Variants in GTF3C1 observed in about 807,000 individuals in gnomAD.
The protein encoded by GTF3C1 is general transcription factor IIIC subunit 1.
Under a neutral mutation model 226.7 loss-of-function variants are expected in GTF3C1, and 57 were observed. The ratio of observed to expected loss-of-function variants is 0.25; its 90% CI spans 0.20 to 0.31. The LOEUF (loss-of-function observed/expected upper bound fraction) is 0.31, where lower values mean the gene tolerates loss of function less well. Ranked by LOEUF, GTF3C1 falls within the 10% of genes least tolerant of loss-of-function variation. The pLI, the probability that GTF3C1 is intolerant of heterozygous loss-of-function variation, is 1.00. For missense variants in GTF3C1, 2,217 were observed against 2,776.1 expected (o/e 0.80, Z 4.53); for synonymous variants, 1,090 against 1,084.8 (o/e 1.00, Z -0.09).
intron 8 of GTF3C1, among the ~76,000 whole-genome samples, chr16:27,508,316 CA>C (rs1159985089): frequency 6.6e-6 from 1 of 152,184 alleles, no homozygotes; most frequent in African/African-American, 2.4e-5. Context: ...TGGCACTTTT[CA>C]AAGCTGACAA....
chr16:27,536,598 G>A (rs1013944520), intron 4 of GTF3C1, among the ~76,000 whole-genome samples: 1 of 152,150 alleles, frequency 6.6e-6, no homozygotes, highest in African/African-American at 2.4e-5. Context: ...AAGAGTCTAC[G>A]CACATGTGTC....
chr16:27,546,525 T>A (rs2089166675), intron 1 of GTF3C1, among the ~76,000 whole-genome samples: 1 of 150,436 alleles, frequency 6.6e-6, no homozygotes, highest in South Asian at 2.1e-4. Context: ...TATATATAAT[T>A]TTTTTTCCCC....
chr16:27,512,032 G>A (rs550431822), intron 6 of GTF3C1, 131 bp from the exon 7 acceptor site: 30 of 937,818 alleles, frequency 3.2e-5, no homozygotes, highest in Admixed American at 7.8e-5. Context: ...ACATATCACC[G>A]TGTCTGGACT....
At chr16:27,514,415 T>C (rs904519570) in intron 6 of GTF3C1, among the ~76,000 whole-genome samples, 6 of 152,032 alleles carry the variant, frequency 3.9e-5, no homozygotes, top group Non-Finnish European at 8.8e-5. Flanking sequence ...GCAAGAACTA[T>C]CTGAAGGCTC....
chr16:27,536,795 C>T (rs72784380), intron 4 of GTF3C1, among the ~76,000 whole-genome samples: 1 of 152,316 alleles, frequency 6.6e-6, no homozygotes, highest in Non-Finnish European at 1.5e-5. Context: ...CTGCTCTTCC[C>T]AGGCCCTGCA....
At chr16:27,546,523 AT>A (rs1336570358) in intron 1 of GTF3C1, among the ~76,000 whole-genome samples, 4 of 146,750 alleles carry the variant, frequency 2.7e-5, no homozygotes, top group Non-Finnish European at 4.5e-5. Context: ...TATATATATA[AT>A]TTTTTTTCCC....
In GTF3C1 at chr16:27,493,370, G is replaced by A. The variant is rs2088262030; in HGVS notation, c.2779-74C>T. The A allele has an allele frequency of 1.4e-5, 11 of 801,100 alleles. 1 individual carries two copies. Among genetic ancestry groups the A allele is most frequent in the South Asian group, 8.2e-5 (6 of 73,612 alleles). The allele number at this position is 801,100 out of a possible 1,614,324, so 49.6% of individuals were successfully genotyped here. A position where few individuals can be genotyped will look rare whatever the true frequency, so the allele number is the denominator to read the frequency against. ...CTGCAAGAATCTTGAAAAAGTGCTC[G>A]CCACTATTTTCTGACCATAGTCTCC... On this transcript the variant is annotated intron_variant, in intron 16 of 36. Coordinates refer to ENST00000356183, the MANE Select transcript of GTF3C1 (RefSeq NM_001520.4).
chr16:27,527,449 C>G (rs562282862), intron 6 of GTF3C1, among the ~76,000 whole-genome samples: 2 of 152,238 alleles, frequency 1.3e-5, no homozygotes, highest in African/African-American at 4.8e-5. Flanking sequence ...TCCCAAAGTG[C>G]AGGGATTACA....
intron 6 of GTF3C1, among the ~76,000 whole-genome samples, chr16:27,516,548 CCT>C (rs1247273616): frequency 1.3e-5 from 2 of 152,238 alleles, no homozygotes; most frequent in Non-Finnish European, 2.9e-5. Flanking sequence ...GCAAATAAGC[CCT>C]GTTTTATTTA....
At chr16:27,508,739 G>T in intron 7 of GTF3C1, 84 bp from the exon 8 acceptor site, 1 of 936,306 alleles carries the variant, frequency 1.1e-6, no homozygotes, top group South Asian at 1.5e-5. Flanking sequence ...TTTTTCAGCA[G>T]ACATTTTGAT....
intron 7 of GTF3C1, 45 bp downstream of exon 7, chr16:27,511,704 A>T (rs2141410994): frequency 6.2e-7 from 1 of 1,604,074 alleles, no homozygotes; most frequent in South Asian, 1.1e-5. Context: ...TCTTGACTCA[A>T]ATTCTCGGGA....
chr16:27,466,117 G>A (rs568373610), intron 32 of GTF3C1: 1 of 155,978 alleles, frequency 6.4e-6, no homozygotes, highest in Non-Finnish European at 1.4e-5. Flanking sequence ...GTTATGAAAT[G>A]TACAGTGAAC....
Position 27,488,342 on chromosome 16 carries a change from A to C in GTF3C1, c.3585T>G (p.Phe1195Leu), listed in dbSNP as rs1342477064. ...SELCAGWEEQFEVDREPSLDR... is the reference protein window; with the variant it reads ...SELCAGWEEQLEVDREPSLDR... ...CCAGCGAGGGCTCTCGGTCCACCTC[A>C]AACTGCTCTTCCCAGCCAGCACAGA... Residue 1195 changes from phenylalanine (F) to leucine (L), a missense_variant, in exon 23 of 37, where the codon TTT (phenylalanine) becomes TTG (leucine). Phe to Leu is a conservative substitution (Grantham distance 22, BLOSUM62 0). This residue lies in a region of GTF3C1 where 546 missense variants were observed against 663.0 expected (regional missense o/e 0.82). Coordinates refer to ENST00000356183, the MANE Select transcript of GTF3C1 (RefSeq NM_001520.4). 23 of 1,613,874 alleles carry C rather than the reference A, an allele frequency of 1.4e-5. No homozygotes were observed. The highest frequency in any genetic ancestry group is 2.7e-5 in the African/African-American group (2 of 74,920).
At chr16:27,490,819 T>C (rs2088222103) in intron 19 of GTF3C1, among the ~76,000 whole-genome samples, 1 of 152,158 alleles carries the variant, frequency 6.6e-6, no homozygotes. Flanking sequence ...ATGACGCTTT[T>C]CCCCTCATCC....
chr16:27,496,772 T>C (rs1271385114), intron 14 of GTF3C1, among the ~76,000 whole-genome samples: 1 of 152,126 alleles, frequency 6.6e-6, no homozygotes, highest in Non-Finnish European at 1.5e-5. Context: ...TTTTCCCCAG[T>C]GAGAGATGAT....
At position 27,509,532 on chromosome 16, in the gene GTF3C1, C is replaced by T. The variant is rs189153346; in HGVS notation, c.1127-877G>A. Among the ~76,000 whole-genome samples the T allele has an allele frequency of 6.6e-5, 10 of 151,268 alleles. No individual in the cohort carries two copies. The East Asian group carries it at 2.0e-3, about 30-fold the overall frequency. On this transcript the variant is annotated intron_variant, in intron 7 of 36. Transcript: ENST00000356183. ...CAGCACTTTGGGAGGCTGAGGCGGG[C>T]GGATCACGAGGTCAGGAGATCGAGA...
At chr16:27,524,027 C>T (rs903060877) in intron 6 of GTF3C1, among the ~76,000 whole-genome samples, 1 of 152,156 alleles carries the variant, frequency 6.6e-6, no homozygotes, top group African/African-American at 2.4e-5. Flanking sequence ...TCCTCTTGTC[C>T]CAGCTCCAGG....
chr16:27,489,896 C>T (rs1194922828), intron 19 of GTF3C1, among the ~76,000 whole-genome samples, 153 bp from the exon 20 acceptor site: 1 of 152,182 alleles, frequency 6.6e-6, no homozygotes, highest in Non-Finnish European at 1.5e-5. Flanking sequence ...AAGACCTCTT[C>T]GTACAAAATA....
Position 27,470,038 on chromosome 16 carries a change from C to A in GTF3C1, c.4814+70G>T. 1 of 1,285,658 alleles carries A rather than the reference C, an allele frequency of 7.8e-7. No homozygotes were observed. 79.6% of individuals were successfully genotyped at this position (1,285,658 alleles called of 1,614,324 possible). ...AAGCTCCCAGAAGGCACTGCTGACC[C>A]CTGCCCGTCTGTATCTGGCCAATGC... On this transcript the variant is annotated intron_variant, in intron 31 of 36. Coordinates refer to ENST00000356183, the MANE Select transcript of GTF3C1 (RefSeq NM_001520.4). This position sits in a 1 kb window ranked among gnomAD's most constrained non-coding sequence, Gnocchi z 4.9.
Sources: allele counts gnomAD v4.1 joint callset (sites outside exome capture counted in the v4.1 genomes callset), GRCh38; gene constraint gnomAD v4.1.1; regional missense constraint gnomAD v4.1.1; non-coding constraint Gnocchi (gnomAD v3.1); transcripts MANE v1.5; gene names NCBI Gene and HGNC (gene_info 2026-07-23, HGNC 2026-07-21).